The following CLTCL1 variants were observed in gnomAD, a reference collection of about 807,000 sequenced individuals.
The protein encoded by CLTCL1 is clathrin heavy chain like 1, also known as clathrin heavy chain 2.
A neutral mutation model predicts 190.0 loss-of-function variants in CLTCL1; 159 were observed. The observed-to-expected ratio is 0.84, with a 90% CI of 0.74 to 0.95. The LOEUF is 0.95. Among genes scored for constraint, CLTCL1 ranks in the 40% least tolerant of loss-of-function variants. The probability of loss-of-function intolerance (pLI) is 0.00; values close to 1 mark genes in which losing one functional copy is unlikely to be tolerated. For missense variants in CLTCL1, 1,878 were observed against 2,033.4 expected, an observed-to-expected ratio of 0.92 and a Z score of 1.47; for synonymous variants, 752 against 769.6, an observed-to-expected ratio of 0.98 and a Z score of 0.38.
intron 21 of CLTCL1, 100 bp downstream of exon 21, chr22:19,208,822 C>T: frequency 1.0e-6 from 1 of 965,714 alleles, no homozygotes; most frequent in Non-Finnish European, 1.5e-6. Context: ...TCTCTGGATA[C>T]ATCATACGTA....
In CLTCL1 at chr22:19,253,855, C is replaced by T. The variant is rs185454199; in HGVS notation, c.519+104G>A. ...TGCTGGGATTACAGGCATGAGCCAC[C>T]GCACCTGGCCCTATAACCAACTTCT... On this transcript the variant is annotated intron_variant, in intron 3 of 32. Transcript: ENST00000427926. 484 of 1,360,032 alleles carry T rather than the reference C, an allele frequency of 3.6e-4. 2 individuals are homozygous for T. In the African/African-American group the frequency reaches 3.6e-3, roughly 10 times the overall value. The allele number at this position is 1,360,032 out of a possible 1,614,324, so 84.2% of individuals were successfully genotyped here. A position where few individuals can be genotyped will look rare whatever the true frequency, so the allele number is the denominator to read the frequency against.
Position 19,193,646 on chromosome 22 carries a change from G to A in CLTCL1, c.4192-2211C>T, listed in dbSNP as rs141058027. The stretch of plus-strand genomic sequence containing the variant: ...AGCACTTTGGGAGGCCAAGGCAGGC[G>A]GATTGTGTCTGTAATTTATTCCTTC... On this transcript the variant is annotated intron_variant, in intron 26 of 32. Transcript: ENST00000427926. Among the ~76,000 whole-genome samples, 142 of 152,366 alleles carry A rather than the reference G, an allele frequency of 9.3e-4. 1 individual carries two copies. Among genetic ancestry groups the A allele is most frequent in the African/African-American group, 3.0e-3 (123 of 41,590 alleles).
chr22:19,291,099 T>C (rs2088100286), intron 1 of CLTCL1, among the ~76,000 whole-genome samples: 1 of 152,220 alleles, frequency 6.6e-6, no homozygotes, highest in African/African-American at 2.4e-5. Context: ...TGTTACTGCA[T>C]TGAAAAGCCC....
intron 24 of CLTCL1, among the ~76,000 whole-genome samples, chr22:19,197,603 C>A (rs530991674): frequency 6.6e-6 from 1 of 152,196 alleles, no homozygotes; most frequent in African/African-American, 2.4e-5. Context: ...CTTCCTTTTG[C>A]AGCAAAAACT....
At chr22:19,279,583 C>A in intron 1 of CLTCL1, among the ~76,000 whole-genome samples, 1 of 152,130 alleles carries the variant, frequency 6.6e-6, no homozygotes, top group East Asian at 1.9e-4. Context: ...TCATGCCAAA[C>A]CAATCTAATT....
chr22:19,207,779 C>G (rs1489949643), intron 22 of CLTCL1: 1 of 564,112 alleles, frequency 1.8e-6, no homozygotes. Flanking sequence ...CTATTGTGAA[C>G]AGCACACGCG....
chr22:19,271,779 G>C (rs2087329743), intron 2 of CLTCL1, among the ~76,000 whole-genome samples: 1 of 152,070 alleles, frequency 6.6e-6, no homozygotes, highest in African/African-American at 2.4e-5. Context: ...ACCTCTGTCT[G>C]TTTTGTTTTG....
rs146944075 is a variant in CLTCL1, at chr22:19,288,289, C to G, written c.42+3311G>C. Among the ~76,000 whole-genome samples, 142 of 152,246 alleles carry G rather than the reference C, an allele frequency of 9.3e-4. 2 individuals carry two copies. The highest frequency in any genetic ancestry group is 3.2e-3 in the African/African-American group (133 of 41,534). The stretch of plus-strand genomic sequence containing the variant: ...TTTATTATTAGTTATCATTGTTAAT[C>G]TCTTACTGTGCTTAACATAAATTCA... On this transcript the variant is annotated intron_variant, in intron 1 of 32. Transcript: ENST00000427926.
chr22:19,256,741 C>T (rs1455195158), intron 2 of CLTCL1, among the ~76,000 whole-genome samples: 3 of 151,922 alleles, frequency 2.0e-5, no homozygotes, highest in African/African-American at 4.8e-5. Flanking sequence ...CTCATGCAAT[C>T]CTTCCATCTC....
intron 2 of CLTCL1, among the ~76,000 whole-genome samples, chr22:19,256,351 T>A: frequency 7.2e-6 from 1 of 138,358 alleles, no homozygotes; most frequent in East Asian, 2.0e-4. Flanking sequence ...CTTTTTCTTT[T>A]ATCTTTTTTT....
chr22:19,267,296 C>T (rs782595967), intron 2 of CLTCL1, among the ~76,000 whole-genome samples: 21 of 151,906 alleles, frequency 1.4e-4, no homozygotes, highest in Non-Finnish European at 1.6e-4. Flanking sequence ...ACTGAATATG[C>T]AAAACATCAC....
At chr22:19,279,221 C>T (rs1431950128) in intron 1 of CLTCL1, among the ~76,000 whole-genome samples, 3 of 152,118 alleles carry the variant, frequency 2.0e-5, no homozygotes, top group Non-Finnish European at 4.4e-5. Flanking sequence ...CTGCAACCTC[C>T]GCTTCCCGAG....
At chr22:19,230,712 A>G (rs1028508170) in intron 10 of CLTCL1, among the ~76,000 whole-genome samples, 2 of 152,216 alleles carry the variant, frequency 1.3e-5, no homozygotes, top group Non-Finnish European at 2.9e-5. Flanking sequence ...GTAATCATAC[A>G]TTACTTAATC....
In CLTCL1 at chr22:19,233,522, TCGAGCAGGATTC is replaced by T. The variant is rs2085981580; in HGVS notation, c.1256_1267del (p.Gly419_Leu422del). ...TTCAAGTTTATTGAGCTGACCCTGG[TCGAGCAGGATTC>T]CGAAGTACTGCAGCAATGGAGAAGC... On this transcript the variant is annotated inframe_deletion, in exon 8 of 33. Transcript: ENST00000427926. 5.0e-6 allele frequency: 8 copies of T among 1,613,882 alleles called. No individual in the cohort carries two copies. The highest frequency in any genetic ancestry group is 6.8e-6 in the Non-Finnish European group (8 of 1,179,904).
rs113677011 is a variant in CLTCL1 at position 19,259,095 on chromosome 22, G to A, written c.251-4868C>T. Among the ~76,000 whole-genome samples, 426 of 152,152 alleles carry A rather than the reference G, an allele frequency of 2.8e-3. 4 individuals carry two copies. The highest frequency in any genetic ancestry group is 9.5e-3 in the African/African-American group (393 of 41,518). On this transcript the variant is annotated intron_variant, in intron 2 of 32. Coordinates refer to ENST00000427926, the MANE Select transcript of CLTCL1 (RefSeq NM_007098.4). ...TGTTTTATTGTGTCTTGCAGATATT[G>A]CACTTGTTTTGTTGTTTTGTTTTGT...
intron 26 of CLTCL1, 96 bp from the exon 27 acceptor site, chr22:19,191,531 G>A (rs2084505612): frequency 6.8e-7 from 1 of 1,466,708 alleles, no homozygotes; most frequent in Non-Finnish European, 9.3e-7. Flanking sequence ...TTACTACTGA[G>A]GCCTGCCATG....
chr22:19,242,860 G>A lies in CLTCL1; in HGVS notation c.596C>T (p.Ala199Val), dbSNP rs142483028. ...CTCCATCTTGAACTCTGCAAAAGCC[G>A]CAGCATGGCCTTCTATGGGTTGTGA... The part of the protein sequence containing the change: ...KVSQPIEGHA[A>V]AFAEFKMEGN... Residue 199 changes from alanine (A) to valine (V), a missense_variant, in exon 4 of 33, where the codon GCG becomes GTG. Ala to Val is a moderately conservative substitution (Grantham distance 64). Transcript: ENST00000427926. 7.3e-5 allele frequency: 118 copies of A among 1,613,924 alleles called. No individual in the cohort carries two copies. In the East Asian group the frequency reaches 2.0e-3, roughly 28 times the overall value.
intron 5 of CLTCL1, among the ~76,000 whole-genome samples, chr22:19,236,705 G>A (rs782052341): frequency 3.3e-5 from 5 of 152,150 alleles, no homozygotes; most frequent in African/African-American, 1.2e-4. Flanking sequence ...CCAGCTACTT[G>A]GGAAGCCAAG....
intron 29 of CLTCL1, among the ~76,000 whole-genome samples, chr22:19,185,263 C>T (rs1555927748): frequency 3.9e-5 from 6 of 152,206 alleles, no homozygotes; most frequent in Non-Finnish European, 8.8e-5. Context: ...CAAACATTCC[C>T]TGGGGTCACA....
Sources: allele counts gnomAD v4.1 joint callset (sites outside exome capture counted in the v4.1 genomes callset), GRCh38; gene constraint gnomAD v4.1.1; transcripts MANE v1.5; gene names NCBI Gene and HGNC (gene_info 2026-07-23, HGNC 2026-07-21).